VWA7: variants seen among roughly 807,000 people sequenced by gnomAD.
VWA7 encodes the protein von Willebrand factor A domain-containing protein 7.
VWA7 carries 66 observed loss-of-function variants against 83.1 expected under a neutral mutation model. That is an observed-to-expected ratio of 0.79 (90% CI 0.65 to 0.98). The LOEUF (loss-of-function observed/expected upper bound fraction) is 0.98, where lower values mean the gene tolerates loss of function less well. Ranked by LOEUF, VWA7 falls within the 50% of genes least tolerant of loss-of-function variation. VWA7 has a pLI of 0.00. For synonymous variants in VWA7, 424 were observed against 488.5 expected, an observed-to-expected ratio of 0.87 and a Z score of 1.74; for missense variants, 1,080 against 1,160.2, an observed-to-expected ratio of 0.93 and a Z score of 1.00.
Position 31,769,421 on chromosome 6 carries a change from G to A in VWA7, c.1318-218C>T, listed in dbSNP as rs1037030808. ...GTAACTGTCACAGTGGATTTTTGGC[G>A]ACTAGAGCCCCAGTTCTTCACATTG... On this transcript the variant is annotated intron_variant, in intron 9 of 16. Coordinates refer to ENST00000375688, the MANE Select transcript of VWA7 (RefSeq NM_025258.3). The surrounding 1 kb of genome is among the most constrained non-coding windows in gnomAD (Gnocchi z 4.5). Among the ~76,000 whole-genome samples, 3 of 152,180 alleles carry A rather than the reference G, an allele frequency of 2.0e-5. No homozygotes were observed. The highest frequency in any genetic ancestry group is 2.9e-5 in the Non-Finnish European group (2 of 68,042).
At chr6:31,772,294 T>C (rs941512019) in intron 7 of VWA7, among the ~76,000 whole-genome samples, 1 of 151,830 alleles carries the variant, frequency 6.6e-6, no homozygotes, top group African/African-American at 2.4e-5. Context: ...TATAGGCATG[T>C]GCCACCACAC....
chr6:31,771,990 CAAAAA>C (rs34193146), intron 7 of VWA7, among the ~76,000 whole-genome samples: 1 of 41,936 alleles, frequency 2.4e-5, no homozygotes, highest in Non-Finnish European at 5.3e-5. Context: ...GACTCCGTCT[CAAAAA>C]AAAAAAAAAA....
chr6:31,767,372 C>T lies in VWA7; in HGVS notation c.1779G>A (p.Val593=). The change falls in exon 12 of 17, where the codon GTG becomes GTA. Residue 593 remains valine (V), a synonymous_variant. Transcript: ENST00000375688. ...IQVTAEDTPG[V]RVQAQTSLDF... ...CACCTCCCTCCTTACCTTGCACTCT[C>T]ACCCCAGGGGTGTCCTCAGCTGTGA... 2 of 1,612,894 alleles carry T rather than the reference C, an allele frequency of 1.2e-6. No individual in the cohort carries two copies. The highest frequency in any genetic ancestry group is 2.2e-5 in the East Asian group (1 of 44,842).
In VWA7 at chr6:31,776,358, G is replaced by T; in HGVS notation, c.235-116C>A. On this transcript the variant is annotated intron_variant, in intron 2 of 16. Coordinates refer to ENST00000375688, the MANE Select transcript of VWA7 (RefSeq NM_025258.3). This position sits in a 1 kb window ranked among gnomAD's most constrained non-coding sequence, Gnocchi z 6.2. Reference sequence around the variant, plus strand: ...GTATGAGGGTCCTGAGCCCCACAAAGGAGGGACAGTCCCGGACCTTTCTAA... The same window carrying T: ...GTATGAGGGTCCTGAGCCCCACAAATGAGGGACAGTCCCGGACCTTTCTAA... 1.4e-6 allele frequency: 2 copies of T among 1,436,744 alleles called. No homozygotes were observed. Among genetic ancestry groups the T allele is most frequent in the East Asian group, 2.4e-5 (1 of 42,418 alleles). 89.0% of individuals were successfully genotyped at this position (1,436,744 alleles called of 1,614,324 possible). A position where few individuals can be genotyped will look rare whatever the true frequency, so the allele number is the denominator to read the frequency against.
intron 5 of VWA7, 110 bp downstream of exon 5, chr6:31,774,406 C>T: frequency 1.9e-6 from 2 of 1,054,006 alleles, no homozygotes; most frequent in East Asian, 5.1e-5. Flanking sequence ...CCAGCATCCT[C>T]TCCTCCTAGG....
In VWA7 at chr6:31,774,604, A is replaced by G. The variant is rs974358041; in HGVS notation, c.633T>C (p.Asp211=). The change falls in exon 5 of 17, where the codon GAT becomes GAC. Residue 211 remains aspartate, a synonymous_variant. Coordinates refer to ENST00000375688, the MANE Select transcript of VWA7 (RefSeq NM_025258.3). ...TCCTGGGGCAGCTCAACTCCTCGCA[A>G]TCGGAGCAGGTAGGATCGGCCACTG... is the stretch of plus-strand genomic sequence containing the variant. ...LAQVADPTCS[D]CEELSCPRNW... The G allele has an allele frequency of 1.9e-6, 3 of 1,612,566 alleles. No individual in the cohort carries two copies. The highest frequency in any genetic ancestry group is 2.7e-5 in the African/African-American group (2 of 74,866).
intron 7 of VWA7, among the ~76,000 whole-genome samples, chr6:31,770,527 C>T (rs1438972474): frequency 8.5e-5 from 12 of 140,498 alleles, no homozygotes; most frequent in Non-Finnish European, 1.4e-4. Context: ...TGCAGTGAGC[C>T]GAGATCGTGC....
Position 31,767,701 on chromosome 6 carries a change from G to A in VWA7, c.1557C>T (p.Phe519=). 1.2e-6 allele frequency: 2 copies of A among 1,613,206 alleles called. No homozygotes were observed. Among genetic ancestry groups the A allele is most frequent in the African/African-American group, 1.3e-5 (1 of 75,024 alleles). ...PVVVPGQPLV[F]SVDGLLQKIT... The stretch of plus-strand genomic sequence containing the variant: ...TCTTCTGGAGCAGCCCATCCACGCT[G>A]AACACAAGTGGCTGCCCAGGCACCA... Residue 519 remains phenylalanine (F), a synonymous_variant, in exon 11 of 17, where the codon TTC becomes TTT. Coordinates refer to ENST00000375688, the MANE Select transcript of VWA7 (RefSeq NM_025258.3).
rs1233033977 is a variant in VWA7, at chr6:31,774,569, C to T, written c.668G>A (p.Gly223Asp). Reference sequence around the variant, plus strand: ...GTAGCCAGAGGTGAGGAGTGTGAAGCCCAGCCAATTCCTGGGGCAGCTCAA... The same window carrying T: ...GTAGCCAGAGGTGAGGAGTGTGAAGTCCAGCCAATTCCTGGGGCAGCTCAA... ...EELSCPRNWLGFTLLTSGYFG... is the reference protein window; with the variant it reads ...EELSCPRNWLDFTLLTSGYFG... The change falls in exon 5 of 17, where the codon GGC (glycine) becomes GAC (aspartate). Residue 223 changes from glycine (G) to aspartate (D), a missense_variant. Physicochemically the swap from Gly to Asp is moderately conservative, Grantham distance 94. Coordinates refer to ENST00000375688, the MANE Select transcript of VWA7 (RefSeq NM_025258.3). The T allele has an allele frequency of 8.7e-6, 14 of 1,612,822 alleles. No individual in the cohort carries two copies. Among genetic ancestry groups the T allele is most frequent in the Non-Finnish European group, 1.2e-5 (14 of 1,179,956 alleles).
intron 7 of VWA7, 122 bp from the exon 8 acceptor site, chr6:31,770,235 A>T: frequency 1.4e-6 from 1 of 727,306 alleles, no homozygotes; most frequent in Non-Finnish European, 2.3e-6. Context: ...TGAAATAACA[A>T]TACTCCATTA....
intron 4 of VWA7, among the ~76,000 whole-genome samples, 185 bp from the exon 5 acceptor site, chr6:31,774,811 CTA>C (rs996706556): frequency 2.6e-5 from 4 of 152,046 alleles, no homozygotes; most frequent in African/African-American, 9.7e-5. Context: ...ATGTTTGAAA[CTA>C]GGGCTGTGCT....
At position 31,767,535 on chromosome 6, in the gene VWA7, G is replaced by T. The variant is rs141523529; in HGVS notation, c.1637-21C>A. The T allele has an allele frequency of 5.3e-4, 847 of 1,601,738 alleles. 1 individual carries two copies. The highest frequency in any genetic ancestry group is 2.3e-3 in the Middle Eastern group (14 of 6,032). On this transcript the variant is annotated intron_variant, in intron 11 of 16. Coordinates refer to ENST00000375688, the MANE Select transcript of VWA7 (RefSeq NM_025258.3). ...GACCCCTGGGGTCAGGGAAGAGATTGTCACATGAAGCACTTGCTCTCCTTG... is the reference window on the plus strand; with the variant it reads ...GACCCCTGGGGTCAGGGAAGAGATTTTCACATGAAGCACTTGCTCTCCTTG...
rs577797776 is a variant in VWA7 at position 31,767,467 on chromosome 6, G to C, written c.1684C>G (p.Arg562Gly). Residue 562 changes from arginine to glycine, a missense_variant, in exon 12 of 17, where the codon CGC (arginine) becomes GGC (glycine). By Grantham distance (125) the Arg-to-Gly change is moderately radical. Transcript: ENST00000375688. Reference protein sequence around the residue: ...EEGGGPLGHTRRFGQFWMVTM... With the variant: ...EEGGGPLGHTGRFGQFWMVTM... ...ACCATCCAGAACTGCCCAAAGCGGC[G>C]AGTGTGACCTAGAGGACCCCCGCCT... 3 of 1,612,850 alleles carry C rather than the reference G, an allele frequency of 1.9e-6. No homozygotes were observed. The highest frequency in any genetic ancestry group is 2.7e-5 in the African/African-American group (2 of 75,016).
At chr6:31,770,903 C>T (rs1812110328) in intron 7 of VWA7, among the ~76,000 whole-genome samples, 1 of 150,434 alleles carries the variant, frequency 6.6e-6, no homozygotes, top group Middle Eastern at 3.2e-3. Flanking sequence ...CCCAGCTACT[C>T]AGGAGGCTGT....
chr6:31,769,043 A>C lies in VWA7; in HGVS notation c.1478T>G (p.Ile493Ser). ...CAGGGCAGCCATGCTCTCCCCAACA[A>C]TGGCTGCCACGTCTCGAATGTGCTG... ...KDQHIRDVAA[I>S]VGESMAALVT... The change falls in exon 10 of 17, where the codon ATT (isoleucine) becomes AGT (serine). Residue 493 changes from isoleucine to serine, a missense_variant. Physicochemically the swap from Ile to Ser is moderately radical, Grantham distance 142 (BLOSUM62 -2). Coordinates refer to ENST00000375688, the MANE Select transcript of VWA7 (RefSeq NM_025258.3). This position sits in a 1 kb window ranked among gnomAD's most constrained non-coding sequence, Gnocchi z 4.5. 1 of 1,612,280 alleles carries C rather than the reference A, an allele frequency of 6.2e-7. No homozygotes were observed. The highest frequency in any genetic ancestry group is 8.5e-7 in the Non-Finnish European group (1 of 1,179,732).
In VWA7 at chr6:31,770,017, C is replaced by G. The variant is rs1228539213; in HGVS notation, c.1184G>C (p.Cys395Ser). The change falls in exon 8 of 17, where the codon TGC becomes TCC. Residue 395 changes from cysteine (C) to serine (S), a missense_variant. Physicochemically the swap from Cys to Ser is moderately radical, Grantham distance 112. Transcript: ENST00000375688. Reference sequence around the variant, plus strand: ...GGGCCAGACCTGCAGGGCTGACAGGCACATCTCAGGCTCGTCTCCACCCCC... The same window carrying G: ...GGGCCAGACCTGCAGGGCTGACAGGGACATCTCAGGCTCGTCTCCACCCCC... ...ALGGGDEPEMCLSALQLALLH... is the reference protein window; with the variant it reads ...ALGGGDEPEMSLSALQLALLH... The G allele has an allele frequency of 6.2e-7, 1 of 1,612,772 alleles. No homozygotes were observed. The highest frequency in any genetic ancestry group is 8.5e-7 in the Non-Finnish European group (1 of 1,179,974).
In VWA7 at chr6:31,767,510, G is replaced by A; in HGVS notation, c.1641C>T (p.Val547=). 6.2e-7 allele frequency: 1 copy of A among 1,608,156 alleles called. No homozygotes were observed. The highest frequency in any genetic ancestry group is 8.5e-7 in the Non-Finnish European group (1 of 1,175,522). ...CCCCGCCTTCCTCCTGGCCCTGGGA[G>A]ACCCCTGGGGTCAGGGAAGAGATTG... The part of the protein sequence containing the change: ...SSFWIKNPAG[V]SQGQEEGGGP... Residue 547 remains valine, a synonymous_variant, in exon 12 of 17, where the codon GTC becomes GTT. Transcript: ENST00000375688.
Position 31,773,180 on chromosome 6 carries a change from G to A in VWA7, c.918-57C>T. 6.3e-7 allele frequency: 1 copy of A among 1,592,756 alleles called. No individual in the cohort carries two copies. The highest frequency in any genetic ancestry group is 2.3e-5 in the East Asian group (1 of 43,948). ...CCTGCACGTTTGTCCCCAGCGCCTG[G>A]TTTCTCCCTTCCCGCAGGAGCGCCT... On this transcript the variant is annotated intron_variant, in intron 6 of 16. Transcript: ENST00000375688. This position sits in a 1 kb window ranked among gnomAD's most constrained non-coding sequence, Gnocchi z 5.3.
chr6:31,773,804 G>A lies in VWA7; in HGVS notation c.722-367C>T, dbSNP rs887099929. 6.6e-6 allele frequency among the ~76,000 whole-genome samples: 1 copy of A among 151,964 alleles called. No homozygotes were observed. Among genetic ancestry groups the A allele is most frequent in the Non-Finnish European group, 1.5e-5 (1 of 68,022 alleles). Reference sequence around the variant, plus strand: ...GGAGGTTGCAGTGAACCGAGATCACGCCACTGCACTCCAGCCTGGGTGGCA... The same window carrying A: ...GGAGGTTGCAGTGAACCGAGATCACACCACTGCACTCCAGCCTGGGTGGCA... On this transcript the variant is annotated intron_variant, in intron 5 of 16. Coordinates refer to ENST00000375688, the MANE Select transcript of VWA7 (RefSeq NM_025258.3). This position sits in a 1 kb window ranked among gnomAD's most constrained non-coding sequence, Gnocchi z 5.3.
Sources: gnomAD v4.1 joint callset for allele counts (sites outside exome capture counted in the v4.1 genomes callset) on GRCh38, gnomAD v4.1.1 for gene constraint, Gnocchi (gnomAD v3.1) non-coding constraint, MANE v1.5 for transcripts, NCBI Gene and HGNC (gene_info 2026-07-23, HGNC 2026-07-21) for gene names.